PLAAT1: variants seen among roughly 807,000 people sequenced by gnomAD.
PLAAT1 encodes H-REV107 protein-related protein.
In PLAAT1, 13 loss-of-function variants were observed where a neutral mutation model predicts 16.4. The observed-to-expected ratio is 0.79, with a 90% CI of 0.52 to 1.26. The LOEUF is 1.26. Among genes scored for constraint, PLAAT1 ranks in the 50% most tolerant of loss-of-function variants. The pLI is 0.00. For missense variants in PLAAT1, 218 were observed against 207.8 expected, an observed-to-expected ratio of 1.05 and a Z score of -0.30; for synonymous variants, 73 against 78.4, an observed-to-expected ratio of 0.93 and a Z score of 0.36.
intron 2 of PLAAT1, among the ~76,000 whole-genome samples, chr3:193,257,368 A>G (rs991473936): frequency 6.6e-6 from 1 of 152,228 alleles, no homozygotes; most frequent in African/African-American, 2.4e-5. Flanking sequence ...CATCCATAAC[A>G]GCCATTAAAA....
chr3:193,270,968 A>T (rs1577313778), downstream of PLAAT1: 8 of 495,996 alleles, frequency 1.6e-5, no homozygotes, highest in East Asian at 5.6e-4. Flanking sequence ...ACAAAATCTC[A>T]TCACATTTTA....
chr3:193,272,825 A>AAGTC (rs10625138), downstream of PLAAT1, among the ~76,000 whole-genome samples: 1 of 151,916 alleles, frequency 6.6e-6, no homozygotes, highest in African/African-American at 2.4e-5. Flanking sequence ...TTAGCTCACA[A>AAGTC]AGCCATCAGT....
chr3:193,275,123 A>C, downstream of PLAAT1: 2 of 1,614,210 alleles, frequency 1.2e-6, no homozygotes, highest in South Asian at 1.1e-5. Context: ...CATGGCTTTC[A>C]TAGCCTCCGT....
downstream of PLAAT1, chr3:193,275,327 T>A: frequency 1.2e-6 from 2 of 1,608,666 alleles, no homozygotes; most frequent in Non-Finnish European, 1.7e-6. Flanking sequence ...GGGAAAACAA[T>A]CAATTTATTG....
At chr3:193,257,169 C>T (rs1716406485) in intron 2 of PLAAT1, among the ~76,000 whole-genome samples, 1 of 152,168 alleles carries the variant, frequency 6.6e-6, no homozygotes, top group African/African-American at 2.4e-5. Context: ...AAAGAGCTAA[C>T]TGTAACTACC....
At chr3:193,273,073 G>C (rs963262130), downstream of PLAAT1, among the ~76,000 whole-genome samples, 10 of 152,210 alleles carry the variant, frequency 6.6e-5, no homozygotes, top group African/African-American at 2.4e-4. Flanking sequence ...CTTATAGGTT[G>C]TAGGAAAACC....
chr3:193,246,306 G>C (rs1715981432), intron 1 of PLAAT1, among the ~76,000 whole-genome samples: 1 of 152,092 alleles, frequency 6.6e-6, no homozygotes, highest in Non-Finnish European at 1.5e-5. Flanking sequence ...CATCTACTGA[G>C]ATACTTGTGT....
chr3:193,242,382 C>T (rs1715800114), intron 1 of PLAAT1, among the ~76,000 whole-genome samples: 1 of 151,970 alleles, frequency 6.6e-6, no homozygotes, highest in Non-Finnish European at 1.5e-5. Context: ...GAAGACAATC[C>T]GACCTGGGGA....
chr3:193,269,467 C>T (rs932454736), intron 3 of PLAAT1, among the ~76,000 whole-genome samples: 2 of 152,128 alleles, frequency 1.3e-5, no homozygotes, highest in African/African-American at 4.8e-5. Flanking sequence ...CTGGCCCTGG[C>T]CCTTGTGCCT....
At chr3:193,264,527 G>A (rs1333177642) in intron 3 of PLAAT1, among the ~76,000 whole-genome samples, 2 of 144,064 alleles carry the variant, frequency 1.4e-5, no homozygotes, top group Non-Finnish European at 3.0e-5. Flanking sequence ...TTTTTTAGAT[G>A]GAGCCTTGCT....
rs746422625 is a variant in PLAAT1 at position 193,270,719 on chromosome 3, A to G, written c.*14A>G. On this transcript the variant is annotated 3_prime_UTR_variant, in exon 4 of 4. Transcript: ENST00000264735. Reference sequence around the variant, plus strand: ...AAATACTATTAACAATTTACCAAAGAGATATTGATATTGAAGGAATTTGGG... The same window carrying G: ...AAATACTATTAACAATTTACCAAAGGGATATTGATATTGAAGGAATTTGGG... 35 of 1,608,722 alleles carry G rather than the reference A, an allele frequency of 2.2e-5. No individual in the cohort carries two copies. In the Admixed American group the frequency reaches 2.4e-4, roughly 11 times the overall value.
At position 193,270,763 on chromosome 3, in the gene PLAAT1, G is replaced by C; in HGVS notation, c.*58G>C. The C allele has an allele frequency of 6.3e-7, 1 of 1,578,222 alleles. No homozygotes were observed. Among genetic ancestry groups the C allele is most frequent in the South Asian group, 1.2e-5 (1 of 85,898 alleles). On this transcript the variant is annotated 3_prime_UTR_variant, in exon 4 of 4. Coordinates refer to ENST00000264735, the MANE Select transcript of PLAAT1 (RefSeq NM_020386.5). ...ATTTGGGAGGAGGAAAAGAAACCTG[G>C]GGTGAATACTTATTTTCAGTGCATC...
chr3:193,242,510 A>G (rs985888617), intron 1 of PLAAT1, among the ~76,000 whole-genome samples: 1 of 152,146 alleles, frequency 6.6e-6, no homozygotes, highest in African/African-American at 2.4e-5. Flanking sequence ...AAACAAAACA[A>G]TACTCTTGAG....
In PLAAT1 at chr3:193,263,081, A is replaced by G. The variant is rs1459893001; in HGVS notation, c.251A>G (p.Asn84Ser). The G allele has an allele frequency of 1.2e-6, 2 of 1,614,208 alleles. No homozygotes were observed. The highest frequency in any genetic ancestry group is 1.7e-6 in the Non-Finnish European group (2 of 1,180,032). Residue 84 changes from asparagine to serine, a missense_variant, in exon 3 of 4, where the codon AAT (asparagine) becomes AGT (serine). Transcript: ENST00000264735. ...GGAAATGACACATACAGAATAAACAATAAATACGATGAAACGTACCCCCCT... is the reference window on the plus strand; with the variant it reads ...GGAAATGACACATACAGAATAAACAGTAAATACGATGAAACGTACCCCCCT... ...VVGNDTYRIN[N>S]KYDETYPPLP...
intron 3 of PLAAT1, among the ~76,000 whole-genome samples, chr3:193,263,989 C>A (rs952052870): frequency 6.6e-6 from 1 of 151,970 alleles, no homozygotes; most frequent in Admixed American, 6.6e-5. Flanking sequence ...AAAGAAAGTC[C>A]TCTTCATCCA....
chr3:193,250,103 G>A (rs1716136595), intron 1 of PLAAT1, among the ~76,000 whole-genome samples: 1 of 152,074 alleles, frequency 6.6e-6, no homozygotes, highest in Non-Finnish European at 1.5e-5. Context: ...ACCTTTCTCA[G>A]TCTTGCTAGA....
At chr3:193,253,060 T>C (rs947952059) in intron 1 of PLAAT1, among the ~76,000 whole-genome samples, 6 of 152,160 alleles carry the variant, frequency 3.9e-5, no homozygotes, top group Admixed American at 2.6e-4. Flanking sequence ...CTATTTGATA[T>C]GTGTTTTGAC....
intron 2 of PLAAT1, among the ~76,000 whole-genome samples, chr3:193,262,525 G>A (rs1288528179): frequency 6.6e-6 from 1 of 152,110 alleles, no homozygotes; most frequent in Non-Finnish European, 1.5e-5. Context: ...ATACTAGGAT[G>A]AGCCTACTAA....
At chr3:193,264,158 C>G (rs767904184) in intron 3 of PLAAT1, among the ~76,000 whole-genome samples, 11 of 152,122 alleles carry the variant, frequency 7.2e-5, no homozygotes, top group Non-Finnish European at 1.3e-4. Flanking sequence ...TTATTGAAGA[C>G]TTCCAGTATT....
Sources: gnomAD v4.1 joint callset for allele counts (sites outside exome capture counted in the v4.1 genomes callset) on GRCh38, gnomAD v4.1.1 for gene constraint, MANE v1.5 for transcripts, NCBI Gene and HGNC (gene_info 2026-07-23, HGNC 2026-07-21) for gene names.